RNFT2: variants seen among roughly 807,000 people sequenced by gnomAD.
RNFT2 encodes ring finger protein, transmembrane 2.
In RNFT2, 36 loss-of-function variants were observed where a neutral mutation model predicts 53.0. The observed-to-expected ratio is 0.68, with a 90% CI of 0.52 to 0.90. RNFT2 has a LOEUF of 0.90. Among genes scored for constraint, RNFT2 ranks in the 40% least tolerant of loss-of-function variants. The pLI, the probability that RNFT2 is intolerant of heterozygous loss-of-function variation, is 0.00. For synonymous variants in RNFT2, 260 were observed against 253.2 expected (o/e 1.03, Z -0.26); for missense variants, 514 against 585.6 (o/e 0.88, Z 1.26).
chr12:116,820,714 G>A (rs553405417), intron 7 of RNFT2, among the ~76,000 whole-genome samples: 3 of 151,986 alleles, frequency 2.0e-5, no homozygotes, highest in Non-Finnish European at 4.4e-5. Flanking sequence ...GGAAAATCAG[G>A]CTGGATTTAA....
At chr12:116,748,016 C>T (rs531941617) in intron 3 of RNFT2, among the ~76,000 whole-genome samples, 1 of 151,998 alleles carries the variant, frequency 6.6e-6, no homozygotes. Flanking sequence ...CGCGGTGAAA[C>T]CCTATCTCTC....
chr12:116,815,214 A>G (rs984939472), intron 7 of RNFT2, among the ~76,000 whole-genome samples: 1 of 152,220 alleles, frequency 6.6e-6, no homozygotes, highest in Non-Finnish European at 1.5e-5. Flanking sequence ...CATGGAAGCC[A>G]GCCCACCAGA....
At position 116,803,740 on chromosome 12, in the gene RNFT2, C is replaced by T. The variant is rs200325455; in HGVS notation, c.882+24392C>T. On this transcript the variant is annotated intron_variant, in intron 7 of 10. Transcript: ENST00000257575. ...ATGTTCTCATAGGACAATTTCTCAA[C>T]TTGAGGTGTATATAAAAGTCATCTG... Among the ~76,000 whole-genome samples the T allele has an allele frequency of 2.0e-4, 31 of 152,282 alleles. No homozygotes were observed. The East Asian group carries it at 5.2e-3, about 26-fold the overall frequency.
At chr12:116,842,072 T>C (rs776583188) in intron 10 of RNFT2, among the ~76,000 whole-genome samples, 2 of 149,796 alleles carry the variant, frequency 1.3e-5, no homozygotes, top group African/African-American at 2.5e-5. Flanking sequence ...GCTGTGGTCC[T>C]CTCCTGGCTC....
intron 6 of RNFT2, among the ~76,000 whole-genome samples, chr12:116,774,770 C>CGGGTAGAGGGTGGA (rs1873350500): frequency 8.2e-6 from 1 of 121,294 alleles, no homozygotes; most frequent in South Asian, 2.9e-4. Flanking sequence ...TGTCAAGGTC[C>CGGGTAGAGGGTGGA]GGGTGGAGGG....
chr12:116,782,089 A>AAAAAAAAAAAAAAAAAAAAAC, intron 7 of RNFT2: 1 of 148,746 alleles, frequency 6.7e-6, no homozygotes, highest in Non-Finnish European at 1.5e-5. Context: ...CAAAAAAAAA[A>AAAAAAAAAAAAAAAAAAAAAC]AAAAATGTGG....
At chr12:116,760,498 A>G (rs567190707) in intron 5 of RNFT2, among the ~76,000 whole-genome samples, 1 of 152,236 alleles carries the variant, frequency 6.6e-6, no homozygotes, top group East Asian at 1.9e-4. Context: ...GGACCCAGTG[A>G]GCTCCCAGGG....
intron 5 of RNFT2, among the ~76,000 whole-genome samples, chr12:116,762,106 C>T (rs1464425542): frequency 6.6e-6 from 1 of 151,034 alleles, no homozygotes. Context: ...GAGCCAGGCA[C>T]TGTGGCTCAT....
intron 6 of RNFT2, among the ~76,000 whole-genome samples, chr12:116,774,598 CTCAAG>C (rs569782273): frequency 1.2e-4 from 19 of 152,264 alleles, no homozygotes; most frequent in African/African-American, 4.6e-4. Context: ...AGGGATGAAA[CTCAAG>C]TCAGCCTTTC....
At chr12:116,816,175 T>G (rs1875653732) in intron 7 of RNFT2, among the ~76,000 whole-genome samples, 1 of 152,144 alleles carries the variant, frequency 6.6e-6, no homozygotes, top group Non-Finnish European at 1.5e-5. Flanking sequence ...CATCAACATC[T>G]TATAATTAGG....
At chr12:116,812,629 G>T (rs1293714991) in intron 7 of RNFT2, among the ~76,000 whole-genome samples, 1 of 151,804 alleles carries the variant, frequency 6.6e-6, no homozygotes, top group Non-Finnish European at 1.5e-5. Context: ...CCACCTCCTG[G>T]GTTTAAACGG....
chr12:116,759,797 T>C (rs550225182), intron 5 of RNFT2, among the ~76,000 whole-genome samples: 136 of 152,290 alleles, frequency 8.9e-4, no homozygotes, highest in Admixed American at 2.2e-3. Context: ...TGAGGGTTCT[T>C]AGCTTTGGTG....
chr12:116,750,891 A>AT (rs550080863), intron 4 of RNFT2, among the ~76,000 whole-genome samples: 569 of 2,064 alleles, frequency 0.28, 13 homozygotes, highest in Non-Finnish European at 0.38. Flanking sequence ...TTATATATAT[A>AT]ATATATATAT....
intron 10 of RNFT2, among the ~76,000 whole-genome samples, chr12:116,839,425 GTGGATGGATGGA>G (rs148543249): frequency 7.1e-5 from 8 of 112,540 alleles, no homozygotes; most frequent in African/African-American, 1.7e-4. Flanking sequence ...GGGTGGGTGG[GTGGATGGATGGA>G]TGGATGGATG....
intron 7 of RNFT2, among the ~76,000 whole-genome samples, chr12:116,795,331 C>A (rs777931969): frequency 2.0e-5 from 3 of 151,858 alleles, no homozygotes; most frequent in Non-Finnish European, 4.4e-5. Context: ...TCGCTTGAAC[C>A]CAGGAGGCAG....
chr12:116,770,813 C>A (rs1873140063), intron 6 of RNFT2, among the ~76,000 whole-genome samples: 1 of 152,110 alleles, frequency 6.6e-6, no homozygotes, highest in South Asian at 2.1e-4. Context: ...CCCACCTCAG[C>A]CTCCCAAATG....
chr12:116,770,115 C>T (rs1873109298), intron 6 of RNFT2, among the ~76,000 whole-genome samples: 1 of 152,116 alleles, frequency 6.6e-6, no homozygotes, highest in African/African-American at 2.4e-5. Context: ...ATGTCCTAGG[C>T]CTTCACATTC....
intron 5 of RNFT2, among the ~76,000 whole-genome samples, chr12:116,763,919 A>C (rs529986056): frequency 6.6e-6 from 1 of 152,200 alleles, no homozygotes; most frequent in African/African-American, 2.4e-5. Context: ...TTATAGCAGC[A>C]CAATTCACAA....
At chr12:116,783,510 G>A (rs1294368063) in intron 7 of RNFT2, among the ~76,000 whole-genome samples, 1 of 152,222 alleles carries the variant, frequency 6.6e-6, no homozygotes, top group African/African-American at 2.4e-5. Flanking sequence ...CAGCTGCCTC[G>A]TCAAGGTGGA....
Sources: allele counts gnomAD v4.1 joint callset (sites outside exome capture counted in the v4.1 genomes callset), GRCh38; gene constraint gnomAD v4.1.1; transcripts MANE v1.5; gene names NCBI Gene and HGNC (gene_info 2026-07-23, HGNC 2026-07-21).